PALLD: variants seen among roughly 807,000 people sequenced by gnomAD.
PALLD encodes the protein palladin, cytoskeletal associated protein, also known as palladin.
Under a neutral mutation model 123.5 loss-of-function variants are expected in PALLD, and 61 were observed. The ratio of observed to expected loss-of-function variants is 0.49; its 90% CI spans 0.40 to 0.61. The LOEUF (loss-of-function observed/expected upper bound fraction) is 0.61. Among genes scored for constraint, PALLD ranks in the 20% least tolerant of loss-of-function variants. The pLI is 0.00. For missense variants in PALLD, 1,273 were observed against 1,377.0 expected, an observed-to-expected ratio of 0.92 and a Z score of 1.20; for synonymous variants, 465 against 496.4, an observed-to-expected ratio of 0.94 and a Z score of 0.84.
At position 168,662,707 on chromosome 4, in the gene PALLD, TC is replaced by T. The variant is rs563377452; in HGVS notation, c.909-5481del. On this transcript the variant is annotated intron_variant, in intron 2 of 21. Coordinates refer to ENST00000505667, the MANE Select transcript of PALLD (RefSeq NM_001166108.2). ...GAGGTCAAAATTTAACCAACAGATC[TC>T]CTCCCATTTACCTCTTTAGAGAATA... is the stretch of plus-strand genomic sequence containing the variant. Among the ~76,000 whole-genome samples, 44 of 152,346 alleles carry T rather than the reference TC, an allele frequency of 2.9e-4. No individual in the cohort carries two copies. The South Asian group carries it at 8.9e-3, about 31-fold the overall frequency.
At chr4:168,771,655 A>G (rs1013647817) in intron 10 of PALLD, among the ~76,000 whole-genome samples, 1 of 152,044 alleles carries the variant, frequency 6.6e-6, no homozygotes, top group South Asian at 2.1e-4. Flanking sequence ...GGGTGCCCAC[A>G]CCATAGAGGG....
chr4:168,925,102 C>T, intron 20 of PALLD, 24 bp downstream of exon 20: 1 of 1,612,804 alleles, frequency 6.2e-7, no homozygotes, highest in South Asian at 1.1e-5. Flanking sequence ...CATCTCATTT[C>T]ATTGCGTTTA....
chr4:168,799,310 T>C (rs540803215), intron 10 of PALLD, among the ~76,000 whole-genome samples: 40 of 152,234 alleles, frequency 2.6e-4, no homozygotes, highest in African/African-American at 9.4e-4. Flanking sequence ...ATAGAGTCCT[T>C]CTCAGGCCAT....
At chr4:168,573,739 T>C (rs1016413432) in intron 2 of PALLD, among the ~76,000 whole-genome samples, 3 of 152,080 alleles carry the variant, frequency 2.0e-5, no homozygotes, top group African/African-American at 7.2e-5. Context: ...CTATGGTCTG[T>C]TCATAAAGCA....
At chr4:168,878,682 T>TGA (rs1553965736) in intron 10 of PALLD, among the ~76,000 whole-genome samples, 1 of 83,864 alleles carries the variant, frequency 1.2e-5, no homozygotes, top group African/African-American at 3.3e-5. Flanking sequence ...TTAATCATTA[T>TGA]GGGGGGGGGG....
At chr4:168,723,610 A>G (rs1786241946) in intron 10 of PALLD, among the ~76,000 whole-genome samples, 1 of 152,216 alleles carries the variant, frequency 6.6e-6, no homozygotes, top group African/African-American at 2.4e-5. Flanking sequence ...GAACCTCTGG[A>G]TGCTAGAGCA....
intron 9 of PALLD, among the ~76,000 whole-genome samples, chr4:168,710,138 T>C (rs1490310509): frequency 1.3e-5 from 2 of 152,206 alleles, no homozygotes; most frequent in African/African-American, 4.8e-5. Flanking sequence ...ACTGATAGTC[T>C]GTATCAATGA....
At chr4:168,913,045 G>A (rs897110544) in intron 15 of PALLD, among the ~76,000 whole-genome samples, 1 of 151,840 alleles carries the variant, frequency 6.6e-6, no homozygotes, top group African/African-American at 2.4e-5. Context: ...TAGTCATGAA[G>A]CTCTCCTTAT....
At chr4:168,889,168 T>TGTGTGG (rs1553968222) in intron 10 of PALLD, among the ~76,000 whole-genome samples, 2 of 28,256 alleles carry the variant, frequency 7.1e-5, no homozygotes, top group Non-Finnish European at 1.9e-4. Flanking sequence ...GTGTGTGTGG[T>TGTGTGG]TTTTTTTTTT....
At chr4:168,918,504 T>C (rs1461425781) in intron 17 of PALLD, among the ~76,000 whole-genome samples, 1 of 152,092 alleles carries the variant, frequency 6.6e-6, no homozygotes, top group African/African-American at 2.4e-5. Flanking sequence ...TAGTAGAGAA[T>C]AGAATGGTGA....
At chr4:168,854,399 A>G (rs1748271590) in intron 10 of PALLD, among the ~76,000 whole-genome samples, 1 of 152,244 alleles carries the variant, frequency 6.6e-6, no homozygotes, top group Admixed American at 6.5e-5. Context: ...GGATGGATAT[A>G]CAGAGGAAAA....
In PALLD at chr4:168,762,451, C is replaced by T. The variant is rs576180597; in HGVS notation, c.1964+50528C>T. 6.1e-4 allele frequency among the ~76,000 whole-genome samples: 92 copies of T among 151,744 alleles called. 1 individual carries two copies. The highest frequency in any genetic ancestry group is 2.0e-3 in the African/African-American group (81 of 41,376). ...TTGTGCCTGTGCACTTCAGCCTGGG[C>T]GACTGGAGTGAGACCCTATCCCAAA... is the stretch of plus-strand genomic sequence containing the variant. On this transcript the variant is annotated intron_variant, in intron 10 of 21. Coordinates refer to ENST00000505667, the MANE Select transcript of PALLD (RefSeq NM_001166108.2).
At position 168,812,632 on chromosome 4, in the gene PALLD, C is replaced by G. The variant is rs115854101; in HGVS notation, c.1965-78290C>G. 5.5e-3 allele frequency among the ~76,000 whole-genome samples: 832 copies of G among 152,306 alleles called. 5 individuals are homozygous for G. Among genetic ancestry groups the G allele is most frequent in the Middle Eastern group, 0.027 (8 of 294 alleles). ...CTGCTTGCTAGTTTGCAAAGATTTT[C>G]CATCTCAGGAGATATTTCTGCAGCT... On this transcript the variant is annotated intron_variant, in intron 10 of 21. Transcript: ENST00000505667.
At chr4:168,894,699 C>T (rs1560872810) in intron 12 of PALLD, 22 bp downstream of exon 12, 2 of 1,609,006 alleles carry the variant, frequency 1.2e-6, no homozygotes, top group Non-Finnish European at 8.5e-7. Flanking sequence ...CTCTGGACTT[C>T]TTAGGGTAAC....
chr4:168,661,316 T>A (rs907254585), intron 2 of PALLD, among the ~76,000 whole-genome samples: 1 of 152,236 alleles, frequency 6.6e-6, no homozygotes, highest in Non-Finnish European at 1.5e-5. Context: ...CCCCTGCTAC[T>A]AGTCTCATGA....
intron 10 of PALLD, among the ~76,000 whole-genome samples, chr4:168,721,700 A>G (rs1786036963): frequency 6.6e-6 from 1 of 152,222 alleles, no homozygotes; most frequent in Non-Finnish European, 1.5e-5. Flanking sequence ...ACTTCAGTTC[A>G]TTTGACTGTT....
At chr4:168,889,637 G>A (rs1403360451) in intron 10 of PALLD, among the ~76,000 whole-genome samples, 1 of 152,102 alleles carries the variant, frequency 6.6e-6, no homozygotes, top group Non-Finnish European at 1.5e-5. Flanking sequence ...TCCCTGAGAG[G>A]TAACTGCTAC....
intron 10 of PALLD, among the ~76,000 whole-genome samples, chr4:168,788,091 T>C (rs565713209): frequency 3.9e-5 from 6 of 152,260 alleles, no homozygotes; most frequent in African/African-American, 1.4e-4. Context: ...ATTCCAAAAA[T>C]CTCAGTGATT....
intron 1 of PALLD, chr4:168,507,605 A>G: frequency 4.9e-6 from 1 of 202,422 alleles, no homozygotes; most frequent in Non-Finnish European, 1.0e-5. Flanking sequence ...TTACTGCACA[A>G]GCCTTCTCAC....
Sources: allele counts gnomAD v4.1 joint callset (sites outside exome capture counted in the v4.1 genomes callset), GRCh38; gene constraint gnomAD v4.1.1; transcripts MANE v1.5; gene names NCBI Gene and HGNC (gene_info 2026-07-23, HGNC 2026-07-21).